The following DGKB variants were observed in gnomAD, a reference collection of about 807,000 sequenced individuals.
DGKB encodes the protein diacylglycerol kinase beta, also known as 90 kDa diacylglycerol kinase.
In DGKB, 67 loss-of-function variants were observed where a neutral mutation model predicts 114.3. The observed-to-expected ratio is 0.59, with a 90% confidence interval of 0.48 to 0.72. The LOEUF (loss-of-function observed/expected upper bound fraction) is 0.72, where lower values mean the gene tolerates loss of function less well. DGKB is among the 30% of genes least tolerant of loss of function. The pLI, the probability that DGKB is intolerant of heterozygous loss-of-function variation, is 0.00. For missense variants in DGKB, 907 were observed against 975.2 expected, an observed-to-expected ratio of 0.93 and a Z score of 0.93; for synonymous variants, 398 against 323.1, an observed-to-expected ratio of 1.23 and a Z score of -2.49.
intron 23 of DGKB, among the ~76,000 whole-genome samples, chr7:14,232,819 G>A (rs1379994647): frequency 6.6e-6 from 1 of 151,960 alleles, no homozygotes; most frequent in Non-Finnish European, 1.5e-5. Context: ...ACAAAAAAGT[G>A]CTCACTAAAG....
chr7:14,299,492 T>C (rs1803136163), intron 23 of DGKB, among the ~76,000 whole-genome samples: 1 of 152,122 alleles, frequency 6.6e-6, no homozygotes. Flanking sequence ...AAGGCAGTTT[T>C]GTTGCAATAC....
chr7:14,558,142 ATATC>A (rs1796133932), intron 20 of DGKB, among the ~76,000 whole-genome samples: 1 of 149,932 alleles, frequency 6.7e-6, no homozygotes, highest in East Asian at 1.9e-4. Context: ...TTTATGATAA[ATATC>A]TATATAATAT....
chr7:14,694,206 G>C lies in DGKB; in HGVS notation c.592-12C>G, dbSNP rs997424873. The stretch of plus-strand genomic sequence containing the variant: ...ATTTCATGGAGGATCTGGAGTAGAG[G>C]AGATAAGGGAAAATTGGTGGTCAAC... On this transcript the variant is annotated splice_polypyrimidine_tract_variant and intron_variant, in intron 8 of 25. Transcript: ENST00000402815. 10 of 1,554,434 alleles carry C rather than the reference G, an allele frequency of 6.4e-6. No individual in the cohort carries two copies. Among genetic ancestry groups the C allele is most frequent in the Admixed American group, 3.9e-5 (2 of 50,986 alleles).
chr7:14,276,296 C>T (rs1317137095), intron 23 of DGKB, among the ~76,000 whole-genome samples: 1 of 152,130 alleles, frequency 6.6e-6, no homozygotes, highest in Non-Finnish European at 1.5e-5. Context: ...TGTATCGACA[C>T]CACGCAAGCC....
intron 23 of DGKB, among the ~76,000 whole-genome samples, chr7:14,249,377 C>T (rs1022877171): frequency 6.6e-6 from 1 of 151,986 alleles, no homozygotes; most frequent in African/African-American, 2.4e-5. Flanking sequence ...GGGAGGTATT[C>T]CTTCTTCTTC....
chr7:14,915,581 C>T (rs1403065372), intron 1 of DGKB, among the ~76,000 whole-genome samples: 3 of 152,056 alleles, frequency 2.0e-5, no homozygotes, highest in African/African-American at 2.4e-5. Context: ...AAAATAAATG[C>T]TTTGCCTATA....
rs145609045 is a variant in DGKB, at chr7:14,921,301, C to T, written c.-188+53395G>A. Among the ~76,000 whole-genome samples the T allele has an allele frequency of 2.8e-3, 431 of 152,050 alleles. 1 individual carries two copies. The highest frequency in any genetic ancestry group is 8.9e-3 in the African/African-American group (368 of 41,460). The stretch of plus-strand genomic sequence containing the variant: ...CATTAATTATAAGAGATGTAGGACA[C>T]GAATGCAAGATGTGTGCTGGCAAAA... On this transcript the variant is annotated intron_variant, in intron 1 of 4. Coordinates refer to the DGKB transcript ENST00000437998.
chr7:14,854,601 G>A (rs553439988), intron 1 of DGKB, among the ~76,000 whole-genome samples: 4 of 152,140 alleles, frequency 2.6e-5, no homozygotes, highest in South Asian at 2.1e-4. Context: ...AATCTAATGC[G>A]GCTGCTGATC....
At chr7:14,852,487 C>CAAAAAAAAAACAAACAAAAAAA (rs1554304256) in intron 1 of DGKB, among the ~76,000 whole-genome samples, 2 of 63,636 alleles carry the variant, frequency 3.1e-5, no homozygotes, top group Non-Finnish European at 5.9e-5. Flanking sequence ...TAGTGAAAGT[C>CAAAAAAAAAACAAACAAAAAAA]AAAAAAAAAA....
intron 20 of DGKB, among the ~76,000 whole-genome samples, chr7:14,521,286 T>G (rs964078206): frequency 6.6e-6 from 1 of 152,130 alleles, no homozygotes; most frequent in Non-Finnish European, 1.5e-5. Context: ...TTTACAAAAA[T>G]TGACAAAAAC....
chr7:14,879,898 T>A (rs1853954176), intron 1 of DGKB, among the ~76,000 whole-genome samples: 1 of 152,190 alleles, frequency 6.6e-6, no homozygotes, highest in Non-Finnish European at 1.5e-5. Context: ...TTTTAAAAAA[T>A]TATATATAAT....
chr7:14,554,726 T>C (rs1474321505), intron 20 of DGKB, among the ~76,000 whole-genome samples: 3 of 152,278 alleles, frequency 2.0e-5, no homozygotes, highest in Non-Finnish European at 4.4e-5. Context: ...CTTTGTAATT[T>C]TGAACAATTT....
At chr7:14,726,399 C>T (rs1830041134) in intron 5 of DGKB, among the ~76,000 whole-genome samples, 1 of 152,096 alleles carries the variant, frequency 6.6e-6, no homozygotes, top group African/African-American at 2.4e-5. Context: ...TCCCAAAGTG[C>T]TGGGATTACA....
At chr7:14,264,305 A>G (rs2128418482) in intron 23 of DGKB, among the ~76,000 whole-genome samples, 1 of 152,332 alleles carries the variant, frequency 6.6e-6, no homozygotes, top group Middle Eastern at 3.4e-3. Flanking sequence ...TATCTGAAAT[A>G]GCCAAACCAC....
intron 3 of DGKB, among the ~76,000 whole-genome samples, chr7:14,756,252 A>T (rs1276529434): frequency 6.6e-6 from 1 of 151,976 alleles, no homozygotes; most frequent in Non-Finnish European, 1.5e-5. Context: ...AATATTAATG[A>T]CAATTTTTGT....
rs375749437 is a variant in DGKB at position 14,551,187 on chromosome 7, C to A, written c.1770+23025G>T. ...TGAAGGATATTAAATCACAACCATG[C>A]AAATATCTATTTGATAGGACATTTG... On this transcript the variant is annotated intron_variant, in intron 20 of 25. Transcript: ENST00000402815. Among the ~76,000 whole-genome samples, 2 of 152,090 alleles carry A rather than the reference C, an allele frequency of 1.3e-5. 1 individual carries two copies. Among genetic ancestry groups the A allele is most frequent in the South Asian group, 4.1e-4 (2 of 4,824 alleles).
At chr7:14,709,849 G>A (rs1827031952) in intron 6 of DGKB, among the ~76,000 whole-genome samples, 1 of 149,640 alleles carries the variant, frequency 6.7e-6, no homozygotes, top group South Asian at 2.1e-4. Context: ...ATAGCATTGG[G>A]AGATATACCT....
chr7:14,355,159 C>G (rs1009716601), intron 21 of DGKB, among the ~76,000 whole-genome samples: 1 of 152,110 alleles, frequency 6.6e-6, no homozygotes, highest in Non-Finnish European at 1.5e-5. Flanking sequence ...CTCCCTCCCT[C>G]TCTCTCTTTC....
At chr7:14,660,046 C>T (rs914186677) in intron 13 of DGKB, among the ~76,000 whole-genome samples, 6 of 151,110 alleles carry the variant, frequency 4.0e-5, no homozygotes, top group African/African-American at 7.3e-5. Flanking sequence ...TATTGATTTG[C>T]GTGTATTGAA....
Sources: allele counts gnomAD v4.1 joint callset (sites outside exome capture counted in the v4.1 genomes callset), GRCh38; gene constraint gnomAD v4.1.1; transcripts MANE v1.5; gene names NCBI Gene and HGNC (gene_info 2026-07-23, HGNC 2026-07-21).